SENP2: variants seen among roughly 807,000 people sequenced by gnomAD.
The protein encoded by SENP2 is sentrin-specific protease 2.
In SENP2, 16 loss-of-function variants were observed where a neutral mutation model predicts 86.3. The ratio of observed to expected loss-of-function variants is 0.19; its 90% CI spans 0.13 to 0.28. The LOEUF is 0.28. Among genes scored for constraint, SENP2 ranks in the 10% least tolerant of loss-of-function variants. SENP2 has a pLI of 1.00. For synonymous variants in SENP2, 222 were observed against 238.7 expected, an observed-to-expected ratio of 0.93 and a Z score of 0.64; for missense variants, 552 against 703.0, an observed-to-expected ratio of 0.79 and a Z score of 2.43.
chr3:185,621,167 A>AG (rs1371422794), intron 13 of SENP2, among the ~76,000 whole-genome samples: 1 of 148,646 alleles, frequency 6.7e-6, no homozygotes, highest in Non-Finnish European at 1.5e-5. Context: ...AAAAAAAAAA[A>AG]AAAAAAAAAA....
chr3:185,616,286 C>G (rs1430599449), intron 11 of SENP2, among the ~76,000 whole-genome samples: 2 of 149,070 alleles, frequency 1.3e-5, no homozygotes, highest in Admixed American at 6.7e-5. Context: ...GCCTGGCCAG[C>G]ATGGTGAAAC....
chr3:185,606,955 T>C, intron 6 of SENP2: 1 of 308,640 alleles, frequency 3.2e-6, no homozygotes, highest in South Asian at 3.1e-5. Context: ...GAGCAAATAA[T>C]ATATCTACTA....
At position 185,588,551 on chromosome 3, in the gene SENP2, G is replaced by A. The variant is rs537265172; in HGVS notation, c.102-1563G>A. 6.5e-4 allele frequency among the ~76,000 whole-genome samples: 99 copies of A among 152,268 alleles called. No individual in the cohort carries two copies. The South Asian group carries it at 0.02, about 30-fold the overall frequency. The stretch of plus-strand genomic sequence containing the variant: ...AGAAAAGTGGAAGAAGTGTTCATTT[G>A]TGGGAGCTTGAGAGAACAAGATGTC... On this transcript the variant is annotated intron_variant, in intron 1 of 16. Transcript: ENST00000296257.
chr3:185,624,161 G>A (rs761195736), intron 15 of SENP2, 79 bp downstream of exon 15: 10 of 882,224 alleles, frequency 1.1e-5, no homozygotes, highest in Non-Finnish European at 1.8e-5. Flanking sequence ...CTCCCTTCCT[G>A]CCCTTCCTCC....
At position 185,598,846 on chromosome 3, in the gene SENP2, T is replaced by C. The variant is rs1454290080; in HGVS notation, c.292-112T>C. ...TTGACAAGTTAAACCTTAGGTCTTA[T>C]TGATGGTATCTCTTCTGTGAGCTAC... On this transcript the variant is annotated intron_variant, in intron 3 of 16. Transcript: ENST00000296257. 3.8e-6 allele frequency: 3 copies of C among 780,648 alleles called. No individual in the cohort carries two copies. In the Admixed American group the frequency reaches 8.7e-5, roughly 23 times the overall value. 48.4% of individuals were successfully genotyped at this position (780,648 alleles called of 1,614,324 possible).
chr3:185,594,364 G>A (rs1722107446), intron 2 of SENP2, among the ~76,000 whole-genome samples: 1 of 152,288 alleles, frequency 6.6e-6, no homozygotes, highest in African/African-American at 2.4e-5. Context: ...AGCAGAGTTT[G>A]TAAAGGCCTG....
intron 2 of SENP2, among the ~76,000 whole-genome samples, chr3:185,591,906 G>A (rs1483605173): frequency 6.8e-6 from 1 of 147,766 alleles, no homozygotes; most frequent in Non-Finnish European, 1.5e-5. Context: ...GCTGATTTTT[G>A]TATTTTTTTT....
chr3:185,606,334 A>G lies in SENP2; in HGVS notation c.454A>G (p.Thr152Ala). ...CTTTTTTTTTCTGTTGCTCAGTTTT[A>G]CTTTGAACTCAGAAGGCTGTAATAG... is the stretch of plus-strand genomic sequence containing the variant. Reference protein sequence around the residue: ...PRRVLPSFGFTLNSEGCNRRP... With the variant: ...PRRVLPSFGFALNSEGCNRRP... Residue 152 changes from threonine to alanine, a missense_variant, in exon 6 of 17, where the codon ACT becomes GCT. Around this residue, in one of 2 missense-constraint regions of SENP2, gnomAD observed 383 missense variants for 427.3 expected, o/e 0.90. Transcript: ENST00000296257. 1 of 1,589,452 alleles carries G rather than the reference A, an allele frequency of 6.3e-7. No individual in the cohort carries two copies. The highest frequency in any genetic ancestry group is 8.5e-7 in the Non-Finnish European group (1 of 1,172,770).
chr3:185,596,036 G>A (rs1199555548), intron 2 of SENP2, among the ~76,000 whole-genome samples: 1 of 152,048 alleles, frequency 6.6e-6, no homozygotes, highest in Non-Finnish European at 1.5e-5. Context: ...TGCCATCTTG[G>A]TTCACTGCAA....
At chr3:185,615,352 CT>C (rs1336647270) in intron 11 of SENP2, among the ~76,000 whole-genome samples, 1 of 151,794 alleles carries the variant, frequency 6.6e-6, no homozygotes, top group Non-Finnish European at 1.5e-5. Flanking sequence ...AAAATAATTT[CT>C]TTTTTTTGAG....
chr3:185,610,977 T>A (rs925059422), intron 7 of SENP2, among the ~76,000 whole-genome samples: 4 of 150,556 alleles, frequency 2.7e-5, no homozygotes, highest in Non-Finnish European at 5.9e-5. Context: ...AAATAAATAA[T>A]TAAAGTTCCT....
intron 14 of SENP2, among the ~76,000 whole-genome samples, chr3:185,622,817 CTTT>C (rs35711486): frequency 1.7e-4 from 15 of 89,342 alleles, no homozygotes; most frequent in African/African-American, 5.8e-4. Context: ...TACATTCATG[CTTT>C]TTTTTTTTTT....
At chr3:185,604,445 G>A (rs1160274068) in intron 5 of SENP2, among the ~76,000 whole-genome samples, 3 of 152,184 alleles carry the variant, frequency 2.0e-5, no homozygotes, top group Admixed American at 1.3e-4. Context: ...CAGGTTGGTT[G>A]ATAATATTTT....
At chr3:185,604,860 A>G (rs1722460896) in intron 5 of SENP2, among the ~76,000 whole-genome samples, 1 of 151,116 alleles carries the variant, frequency 6.6e-6, no homozygotes, top group Admixed American at 6.6e-5. Context: ...GGTTCGAGCA[A>G]TTCTCCTGCC....
chr3:185,613,569 G>T (rs1722764543), intron 10 of SENP2, 161 bp downstream of exon 10: 4 of 462,496 alleles, frequency 8.6e-6, no homozygotes, highest in Non-Finnish European at 1.5e-5. Context: ...AGTGGCTCAT[G>T]CCTGTAATCC....
At position 185,605,025 on chromosome 3, in the gene SENP2, A is replaced by G. The variant is rs560570377; in HGVS notation, c.450-1305A>G. 4.7e-5 allele frequency among the ~76,000 whole-genome samples: 7 copies of G among 149,592 alleles called. No individual in the cohort carries two copies. In the South Asian group the frequency reaches 1.1e-3, roughly 23 times the overall value. On this transcript the variant is annotated intron_variant, in intron 5 of 16. Transcript: ENST00000296257. Reference sequence around the variant, plus strand: ...CGCCTCAGCCTCCCAAAGTACTGGGATTACAGGCGTGAGCCACCGCGCCTG... The same window carrying G: ...CGCCTCAGCCTCCCAAAGTACTGGGGTTACAGGCGTGAGCCACCGCGCCTG...
At chr3:185,620,030 G>C (rs1397221503) in intron 13 of SENP2, among the ~76,000 whole-genome samples, 2 of 151,242 alleles carry the variant, frequency 1.3e-5, no homozygotes, top group Non-Finnish European at 2.9e-5. Context: ...CACCATGCCT[G>C]GCCTTTTTTT....
At chr3:185,590,888 AAAAG>A (rs1467595240) in intron 2 of SENP2, among the ~76,000 whole-genome samples, 52 of 144,094 alleles carry the variant, frequency 3.6e-4, no homozygotes, top group African/African-American at 9.0e-4. Flanking sequence ...AAAAAAAAAA[AAAAG>A]AAAGTCTCCT....
chr3:185,591,182 G>A lies in SENP2; in HGVS notation c.157+1013G>A, dbSNP rs1291845382. On this transcript the variant is annotated intron_variant, in intron 2 of 16. Coordinates refer to ENST00000296257, the MANE Select transcript of SENP2 (RefSeq NM_021627.3). Reference sequence around the variant, plus strand: ...GGCCTCCCAAAGTGCTGGGGTTACAGGCGTGAGCCACCGCACCCAACCCAA... The same window carrying A: ...GGCCTCCCAAAGTGCTGGGGTTACAAGCGTGAGCCACCGCACCCAACCCAA... 2.0e-5 allele frequency among the ~76,000 whole-genome samples: 3 copies of A among 151,498 alleles called. No homozygotes were observed. The East Asian group carries it at 6.0e-4, about 30-fold the overall frequency.
Sources: gnomAD v4.1 joint callset for allele counts (sites outside exome capture counted in the v4.1 genomes callset) on GRCh38, gnomAD v4.1.1 for gene constraint, gnomAD v4.1.1 regional missense constraint, MANE v1.5 for transcripts, NCBI Gene and HGNC (gene_info 2026-07-23, HGNC 2026-07-21) for gene names.